Variants in MAP2 observed in about 807,000 individuals in gnomAD.
MAP2 encodes the protein microtubule associated protein 2.
MAP2 carries 14 observed loss-of-function variants against 137.6 expected under a neutral mutation model. That is an observed-to-expected ratio of 0.10 (90% confidence interval 0.07 to 0.16). MAP2 has a LOEUF of 0.16. Ranked by LOEUF, MAP2 falls within the 10% of genes least tolerant of loss-of-function variation. MAP2 has a pLI of 1.00. For synonymous variants in MAP2, 786 were observed against 782.3 expected (o/e 1.00, Z -0.08); for missense variants, 2,088 against 2,191.5 (o/e 0.95, Z 0.94).
In MAP2 at chr2:209,593,273, GTATTGT is replaced by G. The variant is rs144787789; in HGVS notation, c.-107+13181_-107+13186del. ...TTTCCTCAAGAGTGATTTTTAAAAT[GTATTGT>G]TATTGTTTGTGCTGCTTATTTTTCT... On this transcript the variant is annotated intron_variant, in intron 3 of 15. Transcript: ENST00000682079. 7.0e-3 allele frequency among the ~76,000 whole-genome samples: 1,059 copies of G among 151,806 alleles called. 11 individuals are homozygous for G. Among genetic ancestry groups the G allele is most frequent in the African/African-American group, 0.024 (995 of 41,408 alleles).
intron 1 of MAP2, among the ~76,000 whole-genome samples, chr2:209,432,373 A>G (rs1470796838): frequency 6.6e-6 from 1 of 152,074 alleles, no homozygotes; most frequent in Non-Finnish European, 1.5e-5. Flanking sequence ...CTGCATATTA[A>G]ATAAGAATTG....
At chr2:209,717,543 A>T (rs533438988) in intron 13 of MAP2, among the ~76,000 whole-genome samples, 5 of 152,252 alleles carry the variant, frequency 3.3e-5, no homozygotes, top group Admixed American at 2.0e-4. Flanking sequence ...AAGAAAATGG[A>T]TTAATTCTGG....
rs1176291314 is a variant in MAP2, at chr2:209,629,036, A to G, written c.-30+3907A>G. On this transcript the variant is annotated intron_variant, in intron 4 of 15. Coordinates refer to ENST00000682079, the MANE Select transcript of MAP2 (RefSeq NM_001375505.1). ...TTTCATGTTTTTGACTCATGATTTTATAGCATTATGAGAAACTTTACTTAG... is the reference window on the plus strand; with the variant it reads ...TTTCATGTTTTTGACTCATGATTTTGTAGCATTATGAGAAACTTTACTTAG... Among the ~76,000 whole-genome samples, 9 of 152,344 alleles carry G rather than the reference A, an allele frequency of 5.9e-5. No individual in the cohort carries two copies. In the South Asian group the frequency reaches 1.4e-3, roughly 25 times the overall value.
intron 2 of MAP2, among the ~76,000 whole-genome samples, chr2:209,549,338 GC>G (rs771520793): frequency 3.0e-4 from 45 of 152,130 alleles, no homozygotes; most frequent in Admixed American, 4.6e-4. Context: ...ACAGACTTGT[GC>G]AAGGCTTCAG....
At chr2:209,613,803 T>G (rs909210331) in intron 3 of MAP2, among the ~76,000 whole-genome samples, 1 of 152,172 alleles carries the variant, frequency 6.6e-6, no homozygotes, top group South Asian at 2.1e-4. Context: ...AAGCAAACTT[T>G]TGTGCCTGCA....
At chr2:209,461,560 A>G (rs962403954) in intron 1 of MAP2, among the ~76,000 whole-genome samples, 2 of 151,974 alleles carry the variant, frequency 1.3e-5, no homozygotes, top group African/African-American at 4.8e-5. Context: ...GGTTCAAGCT[A>G]TTCTCCTGCC....
At chr2:209,637,847 T>C (rs1339701461) in intron 4 of MAP2, among the ~76,000 whole-genome samples, 1 of 152,136 alleles carries the variant, frequency 6.6e-6, no homozygotes, top group African/African-American at 2.4e-5. Flanking sequence ...ATTTTAATAT[T>C]AACTTAATCT....
intron 3 of MAP2, among the ~76,000 whole-genome samples, chr2:209,582,031 G>T (rs1445013744): frequency 6.6e-6 from 1 of 152,034 alleles, no homozygotes; most frequent in Non-Finnish European, 1.5e-5. Flanking sequence ...AGTCAATATT[G>T]TGGTGAGTTA....
At chr2:209,462,217 T>G (rs1386012689) in intron 1 of MAP2, among the ~76,000 whole-genome samples, 1 of 152,176 alleles carries the variant, frequency 6.6e-6, no homozygotes, top group African/African-American at 2.4e-5. Context: ...GGTGTTTGGA[T>G]GTAGAAAAGA....
At chr2:209,578,455 A>G (rs1299403164) in intron 2 of MAP2, among the ~76,000 whole-genome samples, 4 of 150,804 alleles carry the variant, frequency 2.7e-5, no homozygotes, top group Non-Finnish European at 4.4e-5. Flanking sequence ...CTGTCTCTCA[A>G]TTTCCTTCCC....
chr2:209,696,480 G>T (rs1309067403), intron 8 of MAP2, 62 bp from the exon 9 acceptor site: 2 of 1,509,550 alleles, frequency 1.3e-6, no homozygotes, highest in Admixed American at 4.2e-5. Context: ...AAAGGATTTT[G>T]TACACTTGTT....
chr2:209,554,748 C>CA (rs200820874), intron 2 of MAP2, among the ~76,000 whole-genome samples: 4 of 148,370 alleles, frequency 2.7e-5, no homozygotes, highest in African/African-American at 4.9e-5. Context: ...GAGACTGTCT[C>CA]AAAAAAAAAT....
intron 3 of MAP2, among the ~76,000 whole-genome samples, chr2:209,593,634 AATATAT>A (rs58330460): frequency 0.012 from 406 of 33,540 alleles, 27 homozygotes; most frequent in African/African-American, 0.039. Flanking sequence ...AAAAAAAAAA[AATATAT>A]ATATATATAT....
chr2:209,677,905 T>C (rs2052684707), intron 5 of MAP2, among the ~76,000 whole-genome samples: 2 of 152,018 alleles, frequency 1.3e-5, no homozygotes, highest in Non-Finnish European at 2.9e-5. Context: ...AACTTCATCT[T>C]TCCAGATTCC....
intron 2 of MAP2, among the ~76,000 whole-genome samples, chr2:209,546,849 T>C (rs889572146): frequency 6.6e-5 from 10 of 152,212 alleles, no homozygotes; most frequent in African/African-American, 2.4e-4. Context: ...TATTTTCCAC[T>C]GGTATTGTCT....
intron 2 of MAP2, among the ~76,000 whole-genome samples, chr2:209,529,930 C>G (rs1380364660): frequency 9.0e-6 from 1 of 110,960 alleles, no homozygotes; most frequent in Non-Finnish European, 1.6e-5. Flanking sequence ...AGAGGAGAAA[C>G]AAACTCAATA....
intron 2 of MAP2, among the ~76,000 whole-genome samples, chr2:209,533,652 C>G (rs982412035): frequency 2.0e-5 from 3 of 152,144 alleles, no homozygotes; most frequent in Non-Finnish European, 2.9e-5. Context: ...GGATACAGCT[C>G]TTTGAAACAA....
intron 2 of MAP2, among the ~76,000 whole-genome samples, chr2:209,560,481 C>CT (rs61613421): frequency 1.1e-3 from 147 of 137,344 alleles, no homozygotes; most frequent in East Asian, 1.7e-3. Context: ...CTTTGAGATT[C>CT]TTTTTTTTTT....
intron 5 of MAP2, among the ~76,000 whole-genome samples, chr2:209,671,604 C>T (rs3768826): frequency 0.1 from 15,587 of 151,796 alleles, 957 homozygotes; most frequent in East Asian, 0.23. Context: ...CACAAGCGTA[C>T]GGTAAGCTTA....
Sources: gnomAD v4.1 joint callset for allele counts (sites outside exome capture counted in the v4.1 genomes callset) on GRCh38, gnomAD v4.1.1 for gene constraint, MANE v1.5 for transcripts, NCBI Gene and HGNC (gene_info 2026-07-23, HGNC 2026-07-21) for gene names.